Variants in MATR3 observed in about 807,000 individuals in gnomAD.
MATR3 encodes matrin-3.
In MATR3, 4 loss-of-function variants were observed where a neutral mutation model predicts 85.5. The ratio of observed to expected loss-of-function variants is 0.05; its 90% CI spans 0.02 to 0.11. The LOEUF is 0.11. MATR3 is among the 10% of genes least tolerant of loss of function. MATR3 has a pLI of 1.00. For synonymous variants in MATR3, 336 were observed against 343.1 expected, an observed-to-expected ratio of 0.98 and a Z score of 0.23; for missense variants, 685 against 1,016.1, an observed-to-expected ratio of 0.67 and a Z score of 4.43.
chr5:139,322,902 C>A lies in MATR3; in HGVS notation c.2083C>A (p.Pro695Thr). 6.2e-7 allele frequency: 1 copy of A among 1,613,806 alleles called. No individual in the cohort carries two copies. Among genetic ancestry groups the A allele is most frequent in the Non-Finnish European group, 8.5e-7 (1 of 1,179,966 alleles). ...GDVASDGKKE[P>T]SDKAVKKDGS... ...TGTGGCTTCTGATGGGAAAAAGGAACCATCAGATAAAGCTGTGAAAAAAGA... is the reference window on the plus strand; with the variant it reads ...TGTGGCTTCTGATGGGAAAAAGGAAACATCAGATAAAGCTGTGAAAAAAGA... The change falls in exon 12 of 15, where the codon CCA becomes ACA. Residue 695 changes from proline to threonine, a missense_variant. Around this residue, in one of 9 missense-constraint regions of MATR3, gnomAD observed 215 missense variants for 194.7 expected, o/e 1.10. Coordinates refer to ENST00000394805, the MANE Select transcript of MATR3 (RefSeq NM_018834.6).
chr5:139,298,400 C>T (rs1448496951), intron 1 of MATR3, among the ~76,000 whole-genome samples: 1 of 152,072 alleles, frequency 6.6e-6, no homozygotes, highest in Non-Finnish European at 1.5e-5. Flanking sequence ...CGGAAAACCC[C>T]GTCTCTACTA....
At chr5:139,297,498 CTTTAAAGGGGT>C (rs984262688) in intron 1 of MATR3, among the ~76,000 whole-genome samples, 3 of 151,994 alleles carry the variant, frequency 2.0e-5, no homozygotes, top group Non-Finnish European at 4.4e-5. Context: ...AGATATGTAC[CTTTAAAGGGGT>C]TTTATGTGTA....
At chr5:139,297,985 C>T (rs1363795516) in intron 1 of MATR3, among the ~76,000 whole-genome samples, 1 of 152,118 alleles carries the variant, frequency 6.6e-6, no homozygotes, top group East Asian at 1.9e-4. Flanking sequence ...AAAGTAAAAG[C>T]AGAGTGCCTA....
At chr5:139,322,111 A>G (rs1299093832) in intron 10 of MATR3, 82 bp downstream of exon 10, 8 of 1,444,072 alleles carry the variant, frequency 5.5e-6, no homozygotes, top group East Asian at 2.3e-5. Context: ...ACATTTTTGT[A>G]TGCTAAAAAT....
chr5:139,315,251 C>G (rs1755184241), intron 3 of MATR3: 2 of 210,108 alleles, frequency 9.5e-6, no homozygotes, highest in African/African-American at 4.8e-5. Flanking sequence ...GCACACAGTG[C>G]CCATTGTTCA....
At chr5:139,285,184 T>A (rs1486002955) in intron 3 of MATR3, 1 of 152,190 alleles carries the variant, frequency 6.6e-6, no homozygotes, top group East Asian at 1.9e-4. Context: ...CAATCTAACA[T>A]CTTGAAGGAA....
chr5:139,298,964 G>A (rs1381813709), intron 1 of MATR3, among the ~76,000 whole-genome samples: 1 of 152,218 alleles, frequency 6.6e-6, no homozygotes, highest in African/African-American at 2.4e-5. Flanking sequence ...GTTTTTAAAA[G>A]CAAGTCAGAA....
At position 139,281,125 on chromosome 5, in the gene MATR3, C is replaced by G. The variant is rs1293036018; in HGVS notation, c.-178+1996C>G. On this transcript the variant is annotated intron_variant, in intron 3 of 16. Coordinates refer to ENST00000509990, the Ensembl canonical transcript of MATR3. ...CTCCTGGGCCAAGCAAACCTCCTGC[C>G]TCAGCCTCCCATGTAGCTGGGACTA... 2.0e-5 allele frequency among the ~76,000 whole-genome samples: 3 copies of G among 152,058 alleles called. No homozygotes were observed. In the South Asian group the frequency reaches 6.2e-4, roughly 32 times the overall value.
At chr5:139,317,432 C>G (rs1347294232) in intron 6 of MATR3, among the ~76,000 whole-genome samples, 164 bp from the exon 7 acceptor site, 1 of 152,032 alleles carries the variant, frequency 6.6e-6, no homozygotes, top group Non-Finnish European at 1.5e-5. Flanking sequence ...AAGAACTTAC[C>G]CAGTGACGTT....
chr5:139,277,342 G>A (rs1366159716), intron 2 of MATR3, among the ~76,000 whole-genome samples: 1 of 152,084 alleles, frequency 6.6e-6, no homozygotes. Context: ...GATGACCCTC[G>A]GTTGCTGTGA....
At chr5:139,306,111 G>A (rs577362691) in intron 1 of MATR3, among the ~76,000 whole-genome samples, 6 of 152,246 alleles carry the variant, frequency 3.9e-5, no homozygotes, top group East Asian at 3.9e-4. Context: ...GTATGTAGTT[G>A]TGATTATAAA....
intron 1 of MATR3, among the ~76,000 whole-genome samples, chr5:139,296,924 C>T (rs983391915): frequency 2.0e-5 from 3 of 152,198 alleles, no homozygotes; most frequent in Non-Finnish European, 2.9e-5. Flanking sequence ...GATCCCAGCA[C>T]ATTAGGAGGC....
chr5:139,287,805 C>T (rs1753751889), intron 3 of MATR3, among the ~76,000 whole-genome samples: 1 of 152,174 alleles, frequency 6.6e-6, no homozygotes, highest in Non-Finnish European at 1.5e-5. Flanking sequence ...ACTTTGAGGT[C>T]AAACTCCTTG....
intron 1 of MATR3, among the ~76,000 whole-genome samples, chr5:139,275,142 A>ATT (rs750841386): frequency 0.065 from 2,649 of 40,878 alleles, 427 homozygotes; most frequent in South Asian, 0.085. Flanking sequence ...CGCCCGGCTA[A>ATT]TTTTTTTTTT....
intron 3 of MATR3, among the ~76,000 whole-genome samples, chr5:139,284,201 T>TTTTGTCC (rs1227213674): frequency 3.3e-5 from 5 of 152,224 alleles, no homozygotes; most frequent in Non-Finnish European, 5.9e-5. Flanking sequence ...TTTTTGTTCT[T>TTTTGTCC]ATAAAAGAAT....
chr5:139,320,264 G>C (rs1429324410), intron 9 of MATR3, among the ~76,000 whole-genome samples: 1 of 151,766 alleles, frequency 6.6e-6, no homozygotes, highest in South Asian at 2.1e-4. Flanking sequence ...ACTCGAGATT[G>C]TGCCACTGCA....
intron 1 of MATR3, among the ~76,000 whole-genome samples, chr5:139,306,068 A>C (rs959760471): frequency 1.3e-5 from 2 of 152,184 alleles, no homozygotes; most frequent in Non-Finnish European, 2.9e-5. Context: ...TGCCTCATAG[A>C]ATTCTGTACC....
chr5:139,325,695 C>G (rs781735748), intron 13 of MATR3, 33 bp downstream of exon 13: 2 of 1,559,076 alleles, frequency 1.3e-6, no homozygotes, highest in Non-Finnish European at 1.8e-6. Context: ...TCACCTTCCT[C>G]ACTCTCCTCA....
Position 139,276,441 on chromosome 5 carries a change from T to TA in MATR3, c.-257+300dup, listed in dbSNP as rs903600129. 102 of 322,110 alleles carry TA rather than the reference T, an allele frequency of 3.2e-4. 1 individual carries two copies. The highest frequency in any genetic ancestry group is 1.2e-3 in the South Asian group (48 of 38,892). 20.0% of individuals were successfully genotyped at this position (322,110 alleles called of 1,614,324 possible). On this transcript the variant is annotated intron_variant, in intron 2 of 16. Coordinates refer to ENST00000509990, the Ensembl canonical transcript of MATR3. Reference sequence around the variant, plus strand: ...ACTAACGATAACTGATAGCTAAATTTAAAAAAAAATTGCCAAAAATAACTC... The same window carrying TA: ...ACTAACGATAACTGATAGCTAAATTTAAAAAAAAAATTGCCAAAAATAACTC...
Sources: gnomAD v4.1 joint callset for allele counts (sites outside exome capture counted in the v4.1 genomes callset) on GRCh38, gnomAD v4.1.1 for gene constraint, gnomAD v4.1.1 regional missense constraint, MANE v1.5 for transcripts, NCBI Gene and HGNC (gene_info 2026-07-23, HGNC 2026-07-21) for gene names.